HHAT: variants seen among roughly 807,000 people sequenced by gnomAD.
HHAT encodes hedgehog acyltransferase, also known as protein-cysteine N-palmitoyltransferase HHAT.
In HHAT, 47 loss-of-function variants were observed where a neutral mutation model predicts 70.8. That is an observed-to-expected ratio of 0.66 (90% CI 0.53 to 0.85). The LOEUF is 0.85. HHAT is among the 40% of genes least tolerant of loss of function. The pLI is 0.00. For missense variants in HHAT, 609 were observed against 604.8 expected (o/e 1.01, Z -0.07); for synonymous variants, 228 against 247.6 (o/e 0.92, Z 0.74).
chr1:210,371,932 A>G (rs2089607550), intron 3 of HHAT, among the ~76,000 whole-genome samples: 1 of 152,198 alleles, frequency 6.6e-6, no homozygotes, highest in Non-Finnish European at 1.5e-5. Context: ...ATGGTGAGAA[A>G]TTTCTCAGTC....
At chr1:210,456,298 T>C (rs1371827442) in intron 7 of HHAT, among the ~76,000 whole-genome samples, 2 of 152,180 alleles carry the variant, frequency 1.3e-5, no homozygotes, top group Non-Finnish European at 2.9e-5. Flanking sequence ...ACTCGTTGCC[T>C]TTTTTCCCCT....
At chr1:210,465,142 G>A (rs1558572062) in intron 8 of HHAT, among the ~76,000 whole-genome samples, 2 of 152,142 alleles carry the variant, frequency 1.3e-5, no homozygotes, top group African/African-American at 4.8e-5. Flanking sequence ...GAGTTGTTTT[G>A]AAGATTAAAT....
chr1:210,637,940 A>G (rs573059597), intron 11 of HHAT, among the ~76,000 whole-genome samples: 47 of 152,326 alleles, frequency 3.1e-4, no homozygotes, highest in African/African-American at 1.1e-3. Context: ...AAGCACATGA[A>G]AAGACATTCA....
intron 7 of HHAT, 123 bp downstream of exon 7, chr1:210,418,448 A>AT: frequency 2.4e-6 from 2 of 842,470 alleles, no homozygotes; most frequent in Non-Finnish European, 3.6e-6. Context: ...CTTTATTATT[A>AT]TTTTTTAACC....
intron 2 of HHAT, among the ~76,000 whole-genome samples, chr1:210,355,619 G>T (rs998737616): frequency 6.6e-6 from 1 of 152,094 alleles, no homozygotes; most frequent in Non-Finnish European, 1.5e-5. Flanking sequence ...AAAATATATG[G>T]ATTTCTAAGT....
chr1:210,656,767 C>T (rs1272031175), intron 11 of HHAT, among the ~76,000 whole-genome samples: 2 of 152,160 alleles, frequency 1.3e-5, no homozygotes, highest in Non-Finnish European at 2.9e-5. Context: ...GCTTCTTTAG[C>T]AGAGAGGGCC....
intron 9 of HHAT, among the ~76,000 whole-genome samples, chr1:210,566,667 G>C (rs1450658579): frequency 6.6e-6 from 1 of 151,978 alleles, no homozygotes; most frequent in Non-Finnish European, 1.5e-5. Flanking sequence ...AGGGGAGATC[G>C]GCCGCTAGAT....
At chr1:210,422,089 T>C (rs2092920175) in intron 7 of HHAT, among the ~76,000 whole-genome samples, 1 of 152,230 alleles carries the variant, frequency 6.6e-6, no homozygotes. Context: ...CTTTAGTTAT[T>C]GTGTACATTT....
intron 7 of HHAT, among the ~76,000 whole-genome samples, chr1:210,420,398 C>G (rs1052293131): frequency 6.6e-6 from 1 of 152,140 alleles, no homozygotes; most frequent in African/African-American, 2.4e-5. Context: ...TCTACATATA[C>G]GAGGACACTT....
upstream of HHAT, among the ~76,000 whole-genome samples, chr1:210,328,570 C>T (rs770859856): frequency 5.3e-5 from 8 of 152,278 alleles, no homozygotes; most frequent in Non-Finnish European, 1.2e-4. Context: ...CCGCACCGAA[C>T]TACCTCCTTT....
At chr1:210,476,874 A>G (rs2501901) in intron 8 of HHAT, among the ~76,000 whole-genome samples, 3 of 152,104 alleles carry the variant, frequency 2.0e-5, no homozygotes, top group Non-Finnish European at 4.4e-5. Flanking sequence ...AAGATCTCCT[A>G]TGAACAGTGT....
At chr1:210,426,483 T>C (rs1258659671) in intron 7 of HHAT, among the ~76,000 whole-genome samples, 2 of 152,228 alleles carry the variant, frequency 1.3e-5, no homozygotes, top group Non-Finnish European at 2.9e-5. Context: ...GGGTTTGTCA[T>C]AGATGGCTTT....
At chr1:210,536,010 T>C (rs1244259369) in intron 9 of HHAT, among the ~76,000 whole-genome samples, 1 of 152,194 alleles carries the variant, frequency 6.6e-6, no homozygotes, top group African/African-American at 2.4e-5. Context: ...TTAGGGCATA[T>C]GCATATCGAG....
At chr1:210,507,758 T>G (rs1050253732) in intron 8 of HHAT, among the ~76,000 whole-genome samples, 5 of 152,086 alleles carry the variant, frequency 3.3e-5, no homozygotes, top group African/African-American at 1.2e-4. Flanking sequence ...GGAAGGAACA[T>G]GAGTTAGGTT....
intron 7 of HHAT, among the ~76,000 whole-genome samples, chr1:210,439,361 G>GA (rs1336795141): frequency 6.6e-6 from 1 of 151,748 alleles, no homozygotes; most frequent in Non-Finnish European, 1.5e-5. Context: ...ACTTCCCAAA[G>GA]AATTTCTGGC....
chr1:210,618,290 GT>G (rs1668151432), intron 10 of HHAT, among the ~76,000 whole-genome samples: 1 of 152,036 alleles, frequency 6.6e-6, no homozygotes, highest in South Asian at 2.1e-4. Context: ...GTCTCTTGTT[GT>G]CCCTGGCCTC....
intron 7 of HHAT, among the ~76,000 whole-genome samples, chr1:210,459,229 C>T (rs1395319567): frequency 2.0e-5 from 3 of 152,094 alleles, no homozygotes; most frequent in Non-Finnish European, 4.4e-5. Flanking sequence ...ACAGAAGACT[C>T]GTTGATTTGG....
chr1:210,419,313 G>A (rs2092822528), intron 7 of HHAT, among the ~76,000 whole-genome samples: 3 of 152,172 alleles, frequency 2.0e-5, no homozygotes, highest in African/African-American at 7.2e-5. Flanking sequence ...TGTCTGCCAG[G>A]GAGGTGGCAT....
intron 6 of HHAT, among the ~76,000 whole-genome samples, chr1:210,410,278 G>A (rs1007393545): frequency 4.6e-5 from 7 of 151,272 alleles, no homozygotes; most frequent in African/African-American, 1.5e-4. Flanking sequence ...GAATGGTCTC[G>A]ATCTCCTGAC....
Sources: gnomAD v4.1 joint callset for allele counts (sites outside exome capture counted in the v4.1 genomes callset) on GRCh38, gnomAD v4.1.1 for gene constraint, MANE v1.5 for transcripts, NCBI Gene and HGNC (gene_info 2026-07-23, HGNC 2026-07-21) for gene names.